MTMR7: variants seen among roughly 807,000 people sequenced by gnomAD.
The protein encoded by MTMR7 is myotubularin related protein 7, also known as phosphatidylinositol-3-phosphate phosphatase MTMR7.
A neutral mutation model predicts 81.2 loss-of-function variants in MTMR7; 76 were observed. The ratio of observed to expected loss-of-function variants is 0.94; its 90% CI spans 0.78 to 1.13. The LOEUF (loss-of-function observed/expected upper bound fraction) is 1.13. MTMR7 is among the 50% of genes most tolerant of loss of function. The probability of loss-of-function intolerance (pLI) is 0.00; values close to 1 mark genes in which losing one functional copy is unlikely to be tolerated. For synonymous variants in MTMR7, 372 were observed against 289.8 expected, an observed-to-expected ratio of 1.28 and a Z score of -2.88; for missense variants, 1,044 against 820.0, an observed-to-expected ratio of 1.27 and a Z score of -3.34.
rs2150443198 is a variant in MTMR7 at position 17,296,940 on chromosome 8, T to C, written c.*2922A>G. Reference sequence around the variant, plus strand: ...CATTTAACAAATAGACAAATCAGTTTACATAAAGGTTATGTATGTCACCCA... The same window carrying C: ...CATTTAACAAATAGACAAATCAGTTCACATAAAGGTTATGTATGTCACCCA... On this transcript the variant is annotated 3_prime_UTR_variant, in exon 14 of 14. Coordinates refer to ENST00000180173, the MANE Select transcript of MTMR7 (RefSeq NM_004686.5). The C allele has an allele frequency of 6.6e-6, 1 of 152,300 alleles. No individual in the cohort carries two copies. 9.4% of individuals were successfully genotyped at this position (152,300 alleles called of 1,614,324 possible). A position where few individuals can be genotyped will look rare whatever the true frequency, so the allele number is the denominator to read the frequency against.
intron 10 of MTMR7, among the ~76,000 whole-genome samples, chr8:17,306,562 G>A (rs576510148): frequency 1.3e-5 from 2 of 152,088 alleles, no homozygotes; most frequent in Non-Finnish European, 2.9e-5. Flanking sequence ...CCTCAAATTT[G>A]TATTGATTTT....
chr8:17,349,309 C>T (rs1175078303), intron 4 of MTMR7: 10 of 422,334 alleles, frequency 2.4e-5, no homozygotes, highest in African/African-American at 3.9e-5. Flanking sequence ...TGTTCTGTCC[C>T]CGTGCACTGT....
intron 4 of MTMR7, among the ~76,000 whole-genome samples, chr8:17,359,136 A>T (rs1264218342): frequency 6.6e-6 from 1 of 152,052 alleles, no homozygotes; most frequent in Non-Finnish European, 1.5e-5. Context: ...GGGCTCAAGC[A>T]GTCCCCTCGC....
chr8:17,386,929 G>C (rs1431309495), intron 1 of MTMR7, among the ~76,000 whole-genome samples: 1 of 152,176 alleles, frequency 6.6e-6, no homozygotes, highest in Non-Finnish European at 1.5e-5. Context: ...AGCACATCCT[G>C]CCACACAGTC....
intron 6 of MTMR7, among the ~76,000 whole-genome samples, chr8:17,339,876 G>A (rs1487826562): frequency 6.6e-6 from 1 of 152,188 alleles, no homozygotes; most frequent in Admixed American, 6.5e-5. Context: ...CTTACGAAGT[G>A]AAAAGTTTCC....
intron 1 of MTMR7, among the ~76,000 whole-genome samples, chr8:17,406,132 G>A (rs1284167548): frequency 2.0e-5 from 3 of 151,966 alleles, no homozygotes; most frequent in African/African-American, 7.2e-5. Flanking sequence ...AAGCACAAGT[G>A]ACAAAAGAAA....
chr8:17,304,261 CTTT>C, intron 12 of MTMR7, 115 bp downstream of exon 12: 1 of 1,165,990 alleles, frequency 8.6e-7, no homozygotes, highest in Admixed American at 2.3e-5. Context: ...CCTCTGGTGT[CTTT>C]TGTGTCCAAT....
intron 5 of MTMR7, among the ~76,000 whole-genome samples, chr8:17,343,152 T>G (rs1167028330): frequency 1.3e-5 from 2 of 152,086 alleles, no homozygotes; most frequent in Non-Finnish European, 2.9e-5. Context: ...GTTAGCCCAG[T>G]GTGGTGGCTC....
chr8:17,354,742 C>A (rs576694531), intron 4 of MTMR7, among the ~76,000 whole-genome samples: 24 of 152,098 alleles, frequency 1.6e-4, no homozygotes, highest in Non-Finnish European at 2.9e-4. Flanking sequence ...GTTTTCTCAG[C>A]CATGGGGTCA....
chr8:17,324,205 A>T (rs1406118652), intron 7 of MTMR7, among the ~76,000 whole-genome samples: 1 of 152,198 alleles, frequency 6.6e-6, no homozygotes, highest in Non-Finnish European at 1.5e-5. Context: ...TAAATGAAGG[A>T]AGCACTTGTC....
chr8:17,354,039 C>T (rs2150551804), intron 4 of MTMR7, among the ~76,000 whole-genome samples: 1 of 152,312 alleles, frequency 6.6e-6, no homozygotes, highest in South Asian at 2.1e-4. Flanking sequence ...ATATTTATCA[C>T]TGCAGGCTAC....
intron 7 of MTMR7, among the ~76,000 whole-genome samples, chr8:17,315,451 A>G (rs1818015176): frequency 6.6e-6 from 1 of 152,154 alleles, no homozygotes; most frequent in African/African-American, 2.4e-5. Flanking sequence ...AGCAAGAGGG[A>G]ACCGTACAGT....
At chr8:17,345,700 G>A (rs1018277411) in intron 5 of MTMR7, among the ~76,000 whole-genome samples, 8 of 152,286 alleles carry the variant, frequency 5.3e-5, no homozygotes, top group African/African-American at 1.7e-4. Flanking sequence ...CTGATACAAA[G>A]GGAAAGATGG....
intron 6 of MTMR7, among the ~76,000 whole-genome samples, chr8:17,332,573 C>T (rs984556864): frequency 2.2e-4 from 34 of 152,198 alleles, no homozygotes; most frequent in Middle Eastern, 3.4e-3. Context: ...TTGAAAATGC[C>T]GTAAGTGAAA....
At chr8:17,397,099 G>C (rs758427366) in intron 1 of MTMR7, among the ~76,000 whole-genome samples, 7 of 152,002 alleles carry the variant, frequency 4.6e-5, no homozygotes, top group Non-Finnish European at 8.8e-5. Flanking sequence ...TGGGCCTTGG[G>C]TGAGACTGAG....
chr8:17,369,507 G>A (rs1245414737), intron 3 of MTMR7, among the ~76,000 whole-genome samples: 1 of 152,060 alleles, frequency 6.6e-6, no homozygotes, highest in Non-Finnish European at 1.5e-5. Context: ...AAAGCATTTG[G>A]CAAAGTAATT....
At chr8:17,361,052 G>T in intron 4 of MTMR7, 65 bp downstream of exon 4, 5 of 1,558,016 alleles carry the variant, frequency 3.2e-6, no homozygotes, top group Non-Finnish European at 2.6e-6. Context: ...TAAAAATAAA[G>T]GGATGCTAAG....
At chr8:17,345,620 A>C (rs1439401406) in intron 5 of MTMR7, among the ~76,000 whole-genome samples, 1 of 152,260 alleles carries the variant, frequency 6.6e-6, no homozygotes, top group Non-Finnish European at 1.5e-5. Context: ...GAATGTGATT[A>C]CATCCATTAA....
intron 4 of MTMR7, among the ~76,000 whole-genome samples, chr8:17,350,315 G>C (rs1400394364): frequency 6.6e-6 from 1 of 152,220 alleles, no homozygotes; most frequent in Non-Finnish European, 1.5e-5. Flanking sequence ...TAAAGGAAAA[G>C]GTTTAATGGA....
Sources: allele counts gnomAD v4.1 joint callset (sites outside exome capture counted in the v4.1 genomes callset), GRCh38; gene constraint gnomAD v4.1.1; transcripts MANE v1.5; gene names NCBI Gene and HGNC (gene_info 2026-07-23, HGNC 2026-07-21).